NF1: variants seen among roughly 807,000 people sequenced by gnomAD.
NF1 encodes the protein neurofibromin 1.
A neutral mutation model predicts 325.7 loss-of-function variants in NF1; 122 were observed. That is an observed-to-expected ratio of 0.37 (90% CI 0.32 to 0.44). NF1 has a LOEUF of 0.44. Ranked by LOEUF, NF1 falls within the 20% of genes least tolerant of loss-of-function variation. The pLI is 1.00. For missense variants in NF1, 2,140 were observed against 3,415.4 expected (o/e 0.63, Z 9.31); for synonymous variants, 1,091 against 1,186.0 (o/e 0.92, Z 1.65).
At chr17:31,230,002 A>AAC in intron 22 of NF1, 28 bp downstream of exon 22, 2 of 1,611,288 alleles carry the variant, frequency 1.2e-6, no homozygotes, top group Non-Finnish European at 1.7e-6. Context: ...ATGTAGCAGA[A>AAC]ACATTTTAAG....
In NF1 at chr17:31,325,513, A is replaced by G. The variant is rs2525564; in HGVS notation, c.4836-307A>G. Among the ~76,000 whole-genome samples, 69,069 of 152,088 alleles carry G rather than the reference A, an allele frequency of 0.45. 19,249 individuals carry two copies. The highest frequency in any genetic ancestry group is 0.62 in the Non-Finnish European group (42,145 of 67,950). On this transcript the variant is annotated intron_variant, in intron 36 of 57. Transcript: ENST00000358273. Reference sequence around the variant, plus strand: ...GTCATTCCTACCAGACTATTCGCCTAAGGAGTTTGGTGGGCCCTGCAGGCA... The same window carrying G: ...GTCATTCCTACCAGACTATTCGCCTGAGGAGTTTGGTGGGCCCTGCAGGCA...
chr17:31,213,437 G>A (rs1462587752), intron 12 of NF1, among the ~76,000 whole-genome samples: 1 of 152,184 alleles, frequency 6.6e-6, no homozygotes, highest in African/African-American at 2.4e-5. Flanking sequence ...CATTTGTGTT[G>A]TAGATATGCA....
At chr17:31,223,249 T>G (rs895092885) in intron 15 of NF1, among the ~76,000 whole-genome samples, 195 bp from the exon 16 acceptor site, 1 of 152,194 alleles carries the variant, frequency 6.6e-6, no homozygotes, top group Non-Finnish European at 1.5e-5. Flanking sequence ...TTGCTTTTTT[T>G]CTATAACCTG....
intron 36 of NF1, among the ~76,000 whole-genome samples, chr17:31,279,624 GT>G (rs1338463461): frequency 6.6e-6 from 1 of 151,690 alleles, no homozygotes; most frequent in Non-Finnish European, 1.5e-5. Context: ...CTATTTGGGA[GT>G]TTTGTGAACA....
At chr17:31,241,704 CTTA>C (rs1228026730) in intron 29 of NF1, among the ~76,000 whole-genome samples, 2 of 152,094 alleles carry the variant, frequency 1.3e-5, no homozygotes, top group African/African-American at 2.4e-5. Flanking sequence ...TTATGTATAC[CTTA>C]TTATACTGTC....
intron 8 of NF1, among the ~76,000 whole-genome samples, chr17:31,198,227 CTG>C (rs2143861380): frequency 6.6e-6 from 1 of 152,152 alleles, no homozygotes; most frequent in Non-Finnish European, 1.5e-5. Context: ...GTGTATTAGT[CTG>C]TAGTTTTCCT....
chr17:31,161,447 G>T (rs888922668), intron 3 of NF1, among the ~76,000 whole-genome samples: 2 of 152,184 alleles, frequency 1.3e-5, no homozygotes, highest in Admixed American at 1.3e-4. Context: ...TTGCCATCTT[G>T]CTCAGTGTTA....
intron 57 of NF1, among the ~76,000 whole-genome samples, chr17:31,364,812 G>A (rs1193336484): frequency 6.6e-6 from 1 of 152,178 alleles, no homozygotes; most frequent in African/African-American, 2.4e-5. Flanking sequence ...GAATTGCATT[G>A]ACTGTGACCC....
chr17:31,137,463 C>A (rs542075977), intron 1 of NF1: 2 of 151,960 alleles, frequency 1.3e-5, no homozygotes, highest in South Asian at 4.2e-4. Flanking sequence ...TATTTCTTTC[C>A]ATCATTAACA....
chr17:31,263,055 GTAGGTAGGTAGGTAGATAGA>G (rs1567864053), intron 35 of NF1, among the ~76,000 whole-genome samples: 5 of 148,118 alleles, frequency 3.4e-5, no homozygotes, highest in Non-Finnish European at 7.4e-5. Context: ...AGGTAGGTAG[GTAGGTAGGTAGGTAGATAGA>G]TAGGTAGGTA....
rs1300330804 is a variant in NF1 at position 31,336,635 on chromosome 17, G to T, written c.6148G>T (p.Val2050Phe). Residue 2050 changes from valine (V) to phenylalanine (F), a missense_variant and splice_region_variant, in exon 42 of 58, where the codon GTT (valine) becomes TTT (phenylalanine). By Grantham distance (50) the Val-to-Phe change is conservative. Transcript: ENST00000358273. The surrounding 1 kb of genome is among the most constrained non-coding windows in gnomAD (Gnocchi z 5.5). Reference sequence around the variant, plus strand: ...AAAAAAAAATCCTGCTTCTTTACAGGTTATTGGAAGGATGTGCAAAATAAT... The same window carrying T: ...AAAAAAAAATCCTGCTTCTTTACAGTTTATTGGAAGGATGTGCAAAATAAT... ...SGNVKLVSSK[V>F]IGRMCKIIDK... is the part of the protein sequence containing the mutation. 2 of 1,609,054 alleles carry T rather than the reference G, an allele frequency of 1.2e-6. No homozygotes were observed. Among genetic ancestry groups the T allele is most frequent in the African/African-American group, 1.3e-5 (1 of 74,456 alleles).
At chr17:31,229,790 C>A (rs1438249265) in intron 21 of NF1, 45 bp from the exon 22 acceptor site, 1 of 1,609,216 alleles carries the variant, frequency 6.2e-7, no homozygotes, top group Admixed American at 1.7e-5. Flanking sequence ...GGTCTGTCTT[C>A]TGGGCATTGA....
intron 36 of NF1, among the ~76,000 whole-genome samples, chr17:31,286,368 C>A (rs1038579405): frequency 6.6e-6 from 1 of 152,158 alleles, no homozygotes; most frequent in Non-Finnish European, 1.5e-5. Flanking sequence ...TGCTTACAGG[C>A]GTGAGCCACC....
chr17:31,303,246 G>T (rs2068616717), intron 36 of NF1, among the ~76,000 whole-genome samples: 1 of 152,154 alleles, frequency 6.6e-6, no homozygotes, highest in South Asian at 2.1e-4. Flanking sequence ...TGCTTGTTGG[G>T]CAAAGGAGCA....
At position 31,095,083 on chromosome 17, in the gene NF1, T is replaced by TCCC; in HGVS notation, c.-225_-223dup. 1 of 164,534 alleles carries TCCC rather than the reference T, an allele frequency of 6.1e-6. No individual in the cohort carries two copies. The highest frequency in any genetic ancestry group is 1.1e-5 in the Non-Finnish European group (1 of 87,776). The allele number at this position is 164,534 out of a possible 1,614,324, so 10.2% of individuals were successfully genotyped here. A position where few individuals can be genotyped will look rare whatever the true frequency, so the allele number is the denominator to read the frequency against. On this transcript the variant is annotated 5_prime_UTR_variant, in exon 1 of 58. Coordinates refer to ENST00000358273, the MANE Select transcript of NF1 (RefSeq NM_001042492.3). ...GCCCCCTCCCCTCCCCGGGTCCCCT[T>TCCC]CCCCTATCCCCCTCCCCCCAGCCTC...
At chr17:31,239,717 ATCACT>A (rs1415063923) in intron 29 of NF1, among the ~76,000 whole-genome samples, 9 of 152,172 alleles carry the variant, frequency 5.9e-5, no homozygotes, top group Admixed American at 5.2e-4. Context: ...ATGTGTAGTA[ATCACT>A]TCAGGGTAAA....
rs2069674955 is a variant in NF1, at chr17:31,336,573, TG to T, written c.6148-61del. On this transcript the variant is annotated intron_variant, in intron 41 of 57. Transcript: ENST00000358273. The surrounding 1 kb of genome is among the most constrained non-coding windows in gnomAD (Gnocchi z 5.5). ...ACTTTTAAATTAAACTGAACTTTTT[TG>T]TGCTAAAACTTTGAGTCCCATGTTT... The T allele has an allele frequency of 6.3e-7, 1 of 1,582,562 alleles. No homozygotes were observed. Among genetic ancestry groups the T allele is most frequent in the Non-Finnish European group, 8.6e-7 (1 of 1,163,320 alleles).
rs2069673298 is a variant in NF1 at position 31,336,508 on chromosome 17, A to G, written c.6147+35A>G. 2 of 1,613,490 alleles carry G rather than the reference A, an allele frequency of 1.2e-6. No individual in the cohort carries two copies. Among genetic ancestry groups the G allele is most frequent in the Non-Finnish European group, 1.7e-6 (2 of 1,179,724 alleles). On this transcript the variant is annotated intron_variant, in intron 41 of 57. Transcript: ENST00000358273. This position sits in a 1 kb window ranked among gnomAD's most constrained non-coding sequence, Gnocchi z 5.5. ...TTTCTTTTGCCTTCTGTACTATAGC[A>G]TATCTGTTTTATCATCAGGAGGTTT...
intron 14 of NF1, among the ~76,000 whole-genome samples, chr17:31,220,423 G>A (rs934955128): frequency 6.6e-6 from 1 of 152,008 alleles, no homozygotes; most frequent in Non-Finnish European, 1.5e-5. Flanking sequence ...ATTTTTTTAT[G>A]CAAATAATTC....
Sources: allele counts gnomAD v4.1 joint callset (sites outside exome capture counted in the v4.1 genomes callset), GRCh38; gene constraint gnomAD v4.1.1; non-coding constraint Gnocchi (gnomAD v3.1); transcripts MANE v1.5; gene names NCBI Gene and HGNC (gene_info 2026-07-23, HGNC 2026-07-21).